The following ATF7IP variants were observed in gnomAD, a reference collection of about 807,000 sequenced individuals.
The protein encoded by ATF7IP is activating transcription factor 7-interacting protein 1.
Under a neutral mutation model 106.4 loss-of-function variants are expected in ATF7IP, and 23 were observed. That is an observed-to-expected ratio of 0.22 (90% confidence interval 0.16 to 0.31). The LOEUF is 0.31. Among genes scored for constraint, ATF7IP ranks in the 10% least tolerant of loss-of-function variants. The pLI is 1.00. For missense variants in ATF7IP, 1,334 were observed against 1,524.3 expected (o/e 0.88, Z 2.08); for synonymous variants, 542 against 539.0 (o/e 1.01, Z -0.08).
chr12:14,397,659 A>G lies in ATF7IP; in HGVS notation c.-7-26250A>G, dbSNP rs191420640. Among the ~76,000 whole-genome samples the G allele has an allele frequency of 1.2e-3, 189 of 152,244 alleles. 2 individuals carry two copies. The highest frequency in any genetic ancestry group is 4.3e-3 in the African/African-American group (180 of 41,542). On this transcript the variant is annotated intron_variant, in intron 1 of 14. Coordinates refer to ENST00000261168, the MANE Select transcript of ATF7IP (RefSeq NM_018179.5). The stretch of plus-strand genomic sequence containing the variant: ...TCTCTTTCTCTTGTATCTCTTTTAC[A>G]TGACAAATATGTACTATTTAAAGAA...
chr12:14,495,354 T>G (rs1489717136), intron 13 of ATF7IP, among the ~76,000 whole-genome samples: 1 of 152,242 alleles, frequency 6.6e-6, no homozygotes, highest in African/African-American at 2.4e-5. Context: ...AATATAGCTA[T>G]TTAAAGAAAC....
At chr12:14,426,073 A>G (rs770362711) in intron 2 of ATF7IP, among the ~76,000 whole-genome samples, 3 of 152,118 alleles carry the variant, frequency 2.0e-5, no homozygotes, top group Non-Finnish European at 2.9e-5. Flanking sequence ...AGCTCCCTGT[A>G]ACCCAATTCT....
chr12:14,394,891 A>C (rs533629120), intron 1 of ATF7IP: 1 of 152,328 alleles, frequency 6.6e-6, no homozygotes, highest in Non-Finnish European at 1.5e-5. Context: ...CATAGAAAGC[A>C]GTACAAAGAA....
chr12:14,474,351 C>A (rs113812188), intron 10 of ATF7IP, among the ~76,000 whole-genome samples: 1 of 144,768 alleles, frequency 6.9e-6, no homozygotes, highest in African/African-American at 2.5e-5. Flanking sequence ...TTCTTTTTCT[C>A]TTTTGAAATT....
Position 14,446,968 on chromosome 12 carries a change from GTCT to G in ATF7IP, c.1930-18_1930-16del. 1 of 1,038,326 alleles carries G rather than the reference GTCT, an allele frequency of 9.6e-7. No individual in the cohort carries two copies. Among genetic ancestry groups the G allele is most frequent in the South Asian group, 2.1e-5 (1 of 48,126 alleles). 64.3% of individuals were successfully genotyped at this position (1,038,326 alleles called of 1,614,324 possible). A position where few individuals can be genotyped will look rare whatever the true frequency, so the allele number is the denominator to read the frequency against. On this transcript the variant is annotated splice_polypyrimidine_tract_variant and intron_variant, in intron 5 of 14. Transcript: ENST00000261168. ...TACTATTTGATTTCCATTCATTTTT[GTCT>G]TTTTTTTTTTTTTCAGGCCAAGATA... is the stretch of plus-strand genomic sequence containing the variant.
At chr12:14,442,437 G>A (rs1191848256) in intron 5 of ATF7IP, among the ~76,000 whole-genome samples, 1 of 151,960 alleles carries the variant, frequency 6.6e-6, no homozygotes, top group Non-Finnish European at 1.5e-5. Flanking sequence ...CTTCACTCTG[G>A]GTATAGTAAC....
At chr12:14,487,189 A>G (rs1202970777) in intron 13 of ATF7IP, among the ~76,000 whole-genome samples, 1 of 151,600 alleles carries the variant, frequency 6.6e-6, no homozygotes, top group African/African-American at 2.4e-5. Context: ...GGCCCAAATC[A>G]AGAAATTCAG....
rs1357210092 is a variant in ATF7IP, at chr12:14,424,132, G to A, written c.217G>A (p.Gly73Ser). Residue 73 changes from glycine to serine, a missense_variant, in exon 2 of 15, where the codon GGC becomes AGC. Around this residue, in one of 10 missense-constraint regions of ATF7IP, gnomAD observed 74 missense variants for 101.9 expected, o/e 0.73. Transcript: ENST00000261168. ...DYIKDKEEVN[G>S]IEEICFDPEG... The stretch of plus-strand genomic sequence containing the variant: ...CATTAAAGACAAGGAAGAGGTGAAT[G>A]GCATTGAAGAGATTTGTTTTGATCC... The A allele has an allele frequency of 6.2e-7, 1 of 1,614,166 alleles. No individual in the cohort carries two copies. Among genetic ancestry groups the A allele is most frequent in the Middle Eastern group, 1.6e-4 (1 of 6,062 alleles).
chr12:14,414,339 A>C (rs1461983177), intron 1 of ATF7IP, among the ~76,000 whole-genome samples: 1 of 152,222 alleles, frequency 6.6e-6, no homozygotes, highest in Non-Finnish European at 1.5e-5. Context: ...AAAGTAATGT[A>C]CACCATGTCT....
Position 14,500,094 on chromosome 12 carries a change from G to A in ATF7IP, c.*2021G>A, listed in dbSNP as rs1945123710. 1 of 152,176 alleles carries A rather than the reference G, an allele frequency of 6.6e-6. No homozygotes were observed. The highest frequency in any genetic ancestry group is 2.4e-5 in the African/African-American group (1 of 41,448). 9.4% of individuals were successfully genotyped at this position (152,176 alleles called of 1,614,324 possible). A position where few individuals can be genotyped will look rare whatever the true frequency, so the allele number is the denominator to read the frequency against. Reference sequence around the variant, plus strand: ...ATGGAGTTTGTGAAATAACTTCGAAGTCCTCTTCCTTTACAATATTTGAAT... The same window carrying A: ...ATGGAGTTTGTGAAATAACTTCGAAATCCTCTTCCTTTACAATATTTGAAT... On this transcript the variant is annotated 3_prime_UTR_variant, in exon 15 of 15. Coordinates refer to ENST00000261168, the MANE Select transcript of ATF7IP (RefSeq NM_018179.5).
At chr12:14,379,587 T>C (rs1167775153) in intron 1 of ATF7IP, among the ~76,000 whole-genome samples, 1 of 152,002 alleles carries the variant, frequency 6.6e-6, no homozygotes, top group African/African-American at 2.4e-5. Context: ...CATTCTCTAG[T>C]AGCTTTTTGA....
intron 11 of ATF7IP, 106 bp from the exon 12 acceptor site, chr12:14,478,211 T>G: frequency 1.0e-6 from 1 of 1,000,474 alleles, no homozygotes; most frequent in Non-Finnish European, 1.5e-6. Flanking sequence ...TAGAGGTAAA[T>G]GTGACACACA....
intron 1 of ATF7IP, among the ~76,000 whole-genome samples, chr12:14,407,761 A>G (rs1940681319): frequency 1.3e-5 from 2 of 152,124 alleles, no homozygotes; most frequent in Admixed American, 6.6e-5. Flanking sequence ...TCTAACTGAT[A>G]GAAATTATTT....
In ATF7IP at chr12:14,424,987, A is replaced by G. The variant is rs1941760329; in HGVS notation, c.1072A>G (p.Thr358Ala). 5 of 1,610,908 alleles carry G rather than the reference A, an allele frequency of 3.1e-6. No individual in the cohort carries two copies. Among genetic ancestry groups the G allele is most frequent in the East Asian group, 2.2e-5 (1 of 44,858 alleles). Residue 358 changes from threonine (T) to alanine (A), a missense_variant, in exon 2 of 15, where the codon ACT (threonine) becomes GCT (alanine). Thr to Ala is a moderately conservative substitution (Grantham distance 58). Around this residue, in one of 10 missense-constraint regions of ATF7IP, gnomAD observed 438 missense variants for 405.3 expected, o/e 1.08. Transcript: ENST00000261168. ...NEETLETDDTTICSDRPPENE... is the reference protein window; with the variant it reads ...NEETLETDDTAICSDRPPENE... ...AGAAACTCTAGAAACAGATGATACA[A>G]CTATTTGTTCAGATCGACCTCCTGA...
intron 6 of ATF7IP, among the ~76,000 whole-genome samples, chr12:14,450,289 G>A (rs1324668684): frequency 1.3e-5 from 2 of 152,158 alleles, no homozygotes; most frequent in African/African-American, 2.4e-5. Flanking sequence ...TGAGTATGAT[G>A]TTAACCATGG....
chr12:14,410,649 C>T (rs1286312460), intron 1 of ATF7IP, among the ~76,000 whole-genome samples: 1 of 152,080 alleles, frequency 6.6e-6, no homozygotes, highest in African/African-American at 2.4e-5. Flanking sequence ...TAAGAACTAT[C>T]TTATACTTCT....
intron 1 of ATF7IP, chr12:14,420,544 G>C (rs1377554952): frequency 6.6e-6 from 1 of 152,396 alleles, no homozygotes; most frequent in African/African-American, 2.4e-5. Context: ...TAGGAGAATG[G>C]CATGCACCCA....
At chr12:14,368,470 A>G (rs1565465417) in intron 1 of ATF7IP, among the ~76,000 whole-genome samples, 1 of 152,028 alleles carries the variant, frequency 6.6e-6, no homozygotes, top group Non-Finnish European at 1.5e-5. Flanking sequence ...TAAACCTTTC[A>G]TTTTTTGTTT....
chr12:14,468,597 C>T (rs1273792796), intron 10 of ATF7IP, among the ~76,000 whole-genome samples: 1 of 151,622 alleles, frequency 6.6e-6, no homozygotes. Context: ...TATTTGGCTT[C>T]AAGGAAGAGG....
Sources: gnomAD v4.1 joint callset for allele counts (sites outside exome capture counted in the v4.1 genomes callset) on GRCh38, gnomAD v4.1.1 for gene constraint, gnomAD v4.1.1 regional missense constraint, MANE v1.5 for transcripts, NCBI Gene and HGNC (gene_info 2026-07-23, HGNC 2026-07-21) for gene names.